Variants in LIN52 observed in about 807,000 individuals in gnomAD.
The protein encoded by LIN52 is protein lin-52 homolog.
In LIN52, 4 loss-of-function variants were observed where a neutral mutation model predicts 18.5. The observed-to-expected ratio is 0.22, with a 90% CI of 0.11 to 0.49. The LOEUF (loss-of-function observed/expected upper bound fraction) is 0.49. Ranked by LOEUF, LIN52 falls within the 20% of genes least tolerant of loss-of-function variation. The pLI, the probability that LIN52 is intolerant of heterozygous loss-of-function variation, is 0.97. For synonymous variants in LIN52, 34 were observed against 45.5 expected, an observed-to-expected ratio of 0.75 and a Z score of 1.02; for missense variants, 102 against 139.5, an observed-to-expected ratio of 0.73 and a Z score of 1.35.
intron 5 of LIN52, among the ~76,000 whole-genome samples, chr14:74,152,287 G>A (rs2061179941): frequency 6.6e-6 from 1 of 151,242 alleles, no homozygotes; most frequent in Non-Finnish European, 1.5e-5. Flanking sequence ...AGAATGCTGT[G>A]TTAATGGTGA....
chr14:74,162,615 A>G, intron 5 of LIN52, among the ~76,000 whole-genome samples: 1 of 152,026 alleles, frequency 6.6e-6, no homozygotes, highest in African/African-American at 2.4e-5. Context: ...GCTGGTCTCA[A>G]ACTCATGGGC....
chr14:74,118,151 C>T (rs1037422067), intron 5 of LIN52, among the ~76,000 whole-genome samples: 1 of 152,106 alleles, frequency 6.6e-6, no homozygotes, highest in Non-Finnish European at 1.5e-5. Context: ...GTTCCAACTA[C>T]TGGGGAGGCT....
rs10139771 is a variant in LIN52, at chr14:74,131,964, A to G, written c.283+30726A>G. Among the ~76,000 whole-genome samples, 1,096 of 152,328 alleles carry G rather than the reference A, an allele frequency of 7.2e-3. 14 individuals carry two copies. The highest frequency in any genetic ancestry group is 0.025 in the African/African-American group (1,042 of 41,560). On this transcript the variant is annotated intron_variant, in intron 5 of 5. Coordinates refer to ENST00000555028, the MANE Select transcript of LIN52 (RefSeq NM_001024674.3). ...CAGATGCAGAAACAGAGGGCTAAAG[A>G]TCTTAGGTGACTTACCTAAAGACAG...
rs571423251 is a variant in LIN52 at position 74,187,037 on chromosome 14, A to C, written c.284-11885A>C. On this transcript the variant is annotated intron_variant, in intron 5 of 5. Coordinates refer to ENST00000555028, the MANE Select transcript of LIN52 (RefSeq NM_001024674.3). Reference sequence around the variant, plus strand: ...GGTTGCAGTGAGCCAAGATTGCACCACTGTACTCCAGCCTGGGTGACGGGG... The same window carrying C: ...GGTTGCAGTGAGCCAAGATTGCACCCCTGTACTCCAGCCTGGGTGACGGGG... Among the ~76,000 whole-genome samples, 17 of 152,308 alleles carry C rather than the reference A, an allele frequency of 1.1e-4. No individual in the cohort carries two copies. In the East Asian group the frequency reaches 3.3e-3, roughly 29 times the overall value.
At chr14:74,120,770 AAAT>A (rs1194518475) in intron 5 of LIN52, among the ~76,000 whole-genome samples, 3 of 151,538 alleles carry the variant, frequency 2.0e-5, no homozygotes, top group Non-Finnish European at 4.4e-5. Flanking sequence ...AAAAAAAAAA[AAAT>A]TAGCTGGGCT....
chr14:74,089,369 GA>G (rs1322001809), intron 1 of LIN52, among the ~76,000 whole-genome samples: 2 of 133,968 alleles, frequency 1.5e-5, no homozygotes, highest in Non-Finnish European at 3.2e-5. Flanking sequence ...TTTAAGTGGG[GA>G]TTTTTTTTTT....
chr14:74,167,150 CTAAT>C (rs1166832833), intron 5 of LIN52, among the ~76,000 whole-genome samples: 1 of 102,546 alleles, frequency 9.8e-6, no homozygotes, highest in African/African-American at 3.5e-5. Context: ...GAAAGAAAAA[CTAAT>C]TATCAACGTG....
chr14:74,171,634 C>G (rs559589112), intron 5 of LIN52, among the ~76,000 whole-genome samples: 1 of 150,822 alleles, frequency 6.6e-6, no homozygotes, highest in South Asian at 2.1e-4. Flanking sequence ...AAGTAATGAA[C>G]GGTTATATAA....
chr14:74,125,067 A>G (rs1165693152), intron 5 of LIN52, among the ~76,000 whole-genome samples: 1 of 152,200 alleles, frequency 6.6e-6, no homozygotes, highest in Non-Finnish European at 1.5e-5. Context: ...CTTAGAACTC[A>G]ACAACAAAAA....
At chr14:74,151,376 A>G (rs555291546) in intron 5 of LIN52, among the ~76,000 whole-genome samples, 1 of 152,308 alleles carries the variant, frequency 6.6e-6, no homozygotes, top group East Asian at 1.9e-4. Context: ...GAACCCTTGG[A>G]AAGGATTTGG....
chr14:74,135,569 G>A (rs143754406), intron 5 of LIN52, among the ~76,000 whole-genome samples: 2 of 152,226 alleles, frequency 1.3e-5, no homozygotes, highest in East Asian at 1.9e-4. Context: ...CATGGGAGTG[G>A]GAAGATTAAA....
chr14:74,171,409 C>A (rs1384846323), intron 5 of LIN52, among the ~76,000 whole-genome samples: 1 of 149,448 alleles, frequency 6.7e-6, no homozygotes, highest in African/African-American at 2.4e-5. Context: ...ATTTTTTACA[C>A]CAGAAACAAT....
intron 5 of LIN52, among the ~76,000 whole-genome samples, chr14:74,124,940 C>A (rs1474379861): frequency 1.3e-5 from 2 of 149,316 alleles, no homozygotes; most frequent in African/African-American, 4.9e-5. Flanking sequence ...AAATTAAAAA[C>A]TTTTGTGTGT....
intron 5 of LIN52, among the ~76,000 whole-genome samples, chr14:74,122,725 G>A (rs555066068): frequency 6.6e-6 from 1 of 152,264 alleles, no homozygotes; most frequent in Non-Finnish European, 1.5e-5. Flanking sequence ...AATTAGCTGG[G>A]TATGGTGGCA....
chr14:74,105,792 G>GA (rs1251040564), intron 5 of LIN52, among the ~76,000 whole-genome samples: 3 of 151,716 alleles, frequency 2.0e-5, no homozygotes, highest in East Asian at 1.9e-4. Context: ...ATGATGGAAA[G>GA]AAAAAAAATG....
intron 5 of LIN52, among the ~76,000 whole-genome samples, chr14:74,184,103 C>T (rs1317166548): frequency 1.3e-5 from 2 of 152,178 alleles, no homozygotes; most frequent in Admixed American, 6.6e-5. Flanking sequence ...GGATTCCCCA[C>T]ATTTTCTCAC....
At chr14:74,103,035 G>C (rs764580432) in intron 5 of LIN52, among the ~76,000 whole-genome samples, 1 of 152,112 alleles carries the variant, frequency 6.6e-6, no homozygotes, top group Non-Finnish European at 1.5e-5. Context: ...GAGTAACTTT[G>C]TATGTGTTTC....
chr14:74,092,981 T>C (rs62005137), intron 2 of LIN52, among the ~76,000 whole-genome samples: 34,085 of 151,698 alleles, frequency 0.22, 4,152 homozygotes, highest in South Asian at 0.46. Context: ...GATGGAGTCT[T>C]GCTCATGTCG....
intron 5 of LIN52, among the ~76,000 whole-genome samples, chr14:74,123,725 TA>T (rs1410531946): frequency 6.6e-6 from 1 of 152,188 alleles, no homozygotes; most frequent in African/African-American, 2.4e-5. Context: ...GGGCTGGACC[TA>T]ATGATAGTAA....
Sources: allele counts gnomAD v4.1 joint callset (sites outside exome capture counted in the v4.1 genomes callset), GRCh38; gene constraint gnomAD v4.1.1; transcripts MANE v1.5; gene names NCBI Gene and HGNC (gene_info 2026-07-23, HGNC 2026-07-21).